The following UGT8 variants were observed in gnomAD, a reference collection of about 807,000 sequenced individuals.
The protein encoded by UGT8 is 2-hydroxyacylsphingosine 1-beta-galactosyltransferase.
In UGT8, 12 loss-of-function variants were observed where a neutral mutation model predicts 40.5. That is an observed-to-expected ratio of 0.30 (90% CI 0.19 to 0.48). The LOEUF (loss-of-function observed/expected upper bound fraction) is 0.48, where lower values mean the gene tolerates loss of function less well. Among genes scored for constraint, UGT8 ranks in the 20% least tolerant of loss-of-function variants. UGT8 has a pLI of 0.99. For missense variants in UGT8, 513 were observed against 648.7 expected (o/e 0.79, Z 2.27); for synonymous variants, 224 against 240.4 (o/e 0.93, Z 0.63).
chr4:114,672,921 T>G (rs1735390761), intron 5 of UGT8, among the ~76,000 whole-genome samples: 1 of 147,974 alleles, frequency 6.8e-6, no homozygotes, highest in Non-Finnish European at 1.5e-5. Context: ...ATTGCTTTTT[T>G]GTTTGTTTGG....
At chr4:114,663,227 T>A (rs1223901547) in intron 2 of UGT8, among the ~76,000 whole-genome samples, 8 of 152,082 alleles carry the variant, frequency 5.3e-5, no homozygotes, top group Non-Finnish European at 2.9e-5. Context: ...TGGCAATAAC[T>A]CTTCCTGAGC....
intron 3 of UGT8, chr4:114,665,306 G>A: frequency 1.2e-6 from 1 of 854,296 alleles, no homozygotes; most frequent in Non-Finnish European, 1.4e-6. Flanking sequence ...CATAGCAGTG[G>A]CAGCTCTCCC....
chr4:114,658,100 A>G (rs1734296444), intron 2 of UGT8, among the ~76,000 whole-genome samples: 1 of 152,346 alleles, frequency 6.6e-6, no homozygotes, highest in African/African-American at 2.4e-5. Flanking sequence ...TGATATCCCA[A>G]GATTTTTTTA....
chr4:114,668,442 G>C (rs918105709), intron 5 of UGT8, 138 bp downstream of exon 5: 8 of 776,500 alleles, frequency 1.0e-5, no homozygotes, highest in Non-Finnish European at 1.6e-5. Flanking sequence ...AATGCTTTGT[G>C]CATGTTTTCT....
At position 114,676,263 on chromosome 4, in the gene UGT8, T is replaced by G. The variant is rs111805017; in HGVS notation, c.1601T>G (p.Ile534Ser). The G allele has an allele frequency of 4.0e-5, 64 of 1,593,440 alleles. No homozygotes were observed. Among genetic ancestry groups the G allele is most frequent in the Non-Finnish European group, 5.5e-5 (64 of 1,170,438 alleles). The change falls in exon 6 of 6, where the codon ATT becomes AGT. Residue 534 changes from isoleucine to serine, a missense_variant. Around this residue, in one of 3 missense-constraint regions of UGT8, gnomAD observed 175 missense variants for 186.7 expected, o/e 0.94. Transcript: ENST00000310836. ...GGCAAGTACAAAAGAAATGGCCATA[T>G]TAAACATGAAAAGAAAGTGAAATGA... ...LNGKYKRNGHIKHEKKVK is the reference protein window; with the variant it reads ...LNGKYKRNGHSKHEKKVK
intron 5 of UGT8, among the ~76,000 whole-genome samples, chr4:114,673,719 G>C (rs1223371372): frequency 6.6e-6 from 1 of 152,092 alleles, no homozygotes; most frequent in Non-Finnish European, 1.5e-5. Context: ...TAAAAGATTG[G>C]ATTTTATTTT....
intron 1 of UGT8, among the ~76,000 whole-genome samples, chr4:114,604,857 G>C (rs1048129649): frequency 2.0e-5 from 3 of 150,946 alleles, no homozygotes; most frequent in African/African-American, 7.3e-5. Context: ...CCTGAAAATC[G>C]CTAGCCATAC....
At chr4:114,607,649 G>T (rs1273074163) in intron 1 of UGT8, among the ~76,000 whole-genome samples, 1 of 152,158 alleles carries the variant, frequency 6.6e-6, no homozygotes, top group Non-Finnish European at 1.5e-5. Context: ...AGAGCTTAGA[G>T]TTCCCAGCTC....
At chr4:114,628,072 A>C (rs920134448) in intron 2 of UGT8, among the ~76,000 whole-genome samples, 1 of 152,146 alleles carries the variant, frequency 6.6e-6, no homozygotes, top group Non-Finnish European at 1.5e-5. Context: ...TTTGTTCTAA[A>C]TTTGTGTCTG....
rs1280585916 is a variant in UGT8, at chr4:114,676,281, T to C, written c.1619T>C (p.Val540Ala). The change falls in exon 6 of 6, where the codon GTG (valine) becomes GCG (alanine). Residue 540 changes from valine to alanine, a missense_variant. Transcript: ENST00000310836. ...RNGHIKHEKK[V>A]K ...GGCCATATTAAACATGAAAAGAAAG[T>C]GAAATGAGCCAACAGCCCAGGTGAT... 1 of 1,580,822 alleles carries C rather than the reference T, an allele frequency of 6.3e-7. No individual in the cohort carries two copies. The highest frequency in any genetic ancestry group is 1.2e-5 in the South Asian group (1 of 85,206).
At chr4:114,658,228 G>A (rs1734304736) in intron 2 of UGT8, among the ~76,000 whole-genome samples, 1 of 152,022 alleles carries the variant, frequency 6.6e-6, no homozygotes, top group African/African-American at 2.4e-5. Context: ...ATATTAAATG[G>A]GAAAAGAGGC....
At chr4:114,620,908 A>T (rs1340252828) in intron 1 of UGT8, among the ~76,000 whole-genome samples, 1 of 152,204 alleles carries the variant, frequency 6.6e-6, no homozygotes, top group Non-Finnish European at 1.5e-5. Context: ...AAAAATAGAT[A>T]TCAATTTGGT....
intron 1 of UGT8, among the ~76,000 whole-genome samples, chr4:114,604,647 T>C (rs1253653849): frequency 2.0e-5 from 3 of 152,122 alleles, no homozygotes; most frequent in Non-Finnish European, 4.4e-5. Flanking sequence ...TTTGAGAAAA[T>C]GTTTACATCT....
At chr4:114,613,721 G>T (rs1258024746) in intron 1 of UGT8, among the ~76,000 whole-genome samples, 2 of 152,060 alleles carry the variant, frequency 1.3e-5, no homozygotes, top group Non-Finnish European at 2.9e-5. Context: ...TTCGGTGGGA[G>T]AATTGCATAA....
intron 4 of UGT8, 40 bp from the exon 5 acceptor site, chr4:114,668,045 A>C (rs983896523): frequency 1.9e-6 from 3 of 1,603,170 alleles, no homozygotes; most frequent in Non-Finnish European, 2.6e-6. Context: ...TCTGTAGAGT[A>C]ATAATGTTGT....
intron 2 of UGT8, among the ~76,000 whole-genome samples, chr4:114,657,260 C>T (rs1426088056): frequency 6.6e-6 from 1 of 151,932 alleles, no homozygotes; most frequent in African/African-American, 2.4e-5. Flanking sequence ...TTTTCAAAGT[C>T]AAATCAGGGT....
In UGT8 at chr4:114,664,108, G is replaced by A; in HGVS notation, c.936G>A (p.Leu312=). 6.2e-7 allele frequency: 1 copy of A among 1,613,844 alleles called. No individual in the cohort carries two copies. Among genetic ancestry groups the A allele is most frequent in the Non-Finnish European group, 8.5e-7 (1 of 1,179,916 alleles). Residue 312 remains leucine, a synonymous_variant, in exon 3 of 6, where the codon CTG becomes CTA. Transcript: ENST00000310836. ...TTGCTAACAAACTGGCAGGAGCTCT[G>A]GGGAGATTGCCTCAAAAAGTGATTT... ...EDIANKLAGA[L]GRLPQKVIWR...
chr4:114,616,966 C>G (rs1731480508), intron 1 of UGT8, among the ~76,000 whole-genome samples: 1 of 152,030 alleles, frequency 6.6e-6, no homozygotes, highest in Non-Finnish European at 1.5e-5. Context: ...AAAACCTTTC[C>G]TTTGTGCTGT....
chr4:114,668,150 C>T lies in UGT8; in HGVS notation c.1108C>T (p.His370Tyr), dbSNP rs1253224054. 1.9e-6 allele frequency: 3 copies of T among 1,613,792 alleles called. No homozygotes were observed. The Admixed American group carries it at 5.0e-5, about 27-fold the overall frequency. The change falls in exon 5 of 6, where the codon CAT (histidine) becomes TAT (tyrosine). Residue 370 changes from histidine (H) to tyrosine (Y), a missense_variant. His to Tyr is a moderately conservative substitution (Grantham distance 83, BLOSUM62 2). This residue lies in a region of UGT8 where 335 missense variants were observed against 444.8 expected (regional missense o/e 0.75). Transcript: ENST00000310836. The part of the protein sequence containing the change: ...GLNSIFETIY[H>Y]GVPVVGIPLF... ...GAACAGTATTTTTGAAACTATATAT[C>T]ATGGTGTGCCTGTAGTGGGAATTCC... is the stretch of plus-strand genomic sequence containing the variant.
Sources: allele counts gnomAD v4.1 joint callset (sites outside exome capture counted in the v4.1 genomes callset), GRCh38; gene constraint gnomAD v4.1.1; regional missense constraint gnomAD v4.1.1; transcripts MANE v1.5; gene names NCBI Gene and HGNC (gene_info 2026-07-23, HGNC 2026-07-21).